TRHDE: variants seen among roughly 807,000 people sequenced by gnomAD.
TRHDE encodes thyrotropin releasing hormone degrading enzyme.
In TRHDE, 72 loss-of-function variants were observed where a neutral mutation model predicts 125.7. The observed-to-expected ratio is 0.57, with a 90% CI of 0.47 to 0.70. The LOEUF is 0.70. TRHDE is among the 30% of genes least tolerant of loss of function. TRHDE has a pLI of 0.00. For synonymous variants in TRHDE, 509 were observed against 509.1 expected (o/e 1.00, Z 0.00); for missense variants, 1,110 against 1,327.1 (o/e 0.84, Z 2.54).
chr12:72,510,350 G>A (rs2135947008), intron 6 of TRHDE, among the ~76,000 whole-genome samples: 2 of 152,252 alleles, frequency 1.3e-5, no homozygotes, highest in African/African-American at 4.8e-5. Context: ...TCTGTAAAAT[G>A]GTTGGACAAT....
At chr12:72,619,120 G>T in intron 13 of TRHDE, 82 bp downstream of exon 13, 1 of 1,083,198 alleles carries the variant, frequency 9.2e-7, no homozygotes, top group East Asian at 3.1e-5. Flanking sequence ...TGCAACTGAT[G>T]CCAAGTTATT....
intron 2 of TRHDE, among the ~76,000 whole-genome samples, chr12:72,145,236 T>C (rs1235003738): frequency 6.6e-6 from 1 of 152,238 alleles, no homozygotes; most frequent in Non-Finnish European, 1.5e-5. Flanking sequence ...CTTCGGACAA[T>C]TTCCAGAGAT....
intron 2 of TRHDE, among the ~76,000 whole-genome samples, chr12:72,220,799 T>C (rs1877984784): frequency 6.6e-6 from 1 of 152,174 alleles, no homozygotes. Context: ...TTTGTTGTTG[T>C]TGGCTGACTT....
intron 5 of TRHDE, among the ~76,000 whole-genome samples, chr12:72,482,390 G>T (rs1029902586): frequency 6.6e-6 from 1 of 151,834 alleles, no homozygotes; most frequent in Non-Finnish European, 1.5e-5. Flanking sequence ...ATAAAATTGG[G>T]CATGGTAAGT....
intron 2 of TRHDE, among the ~76,000 whole-genome samples, chr12:72,145,229 C>A (rs576080879): frequency 6.6e-6 from 1 of 152,126 alleles, no homozygotes; most frequent in Admixed American, 6.6e-5. Context: ...ATATGCCCTT[C>A]GGACAATTTC....
intron 2 of TRHDE, among the ~76,000 whole-genome samples, chr12:72,191,887 A>G (rs1317011274): frequency 6.6e-6 from 1 of 152,200 alleles, no homozygotes; most frequent in East Asian, 1.9e-4. Flanking sequence ...TTCCGAAAAC[A>G]GAATCCTCCC....
intron 3 of TRHDE, among the ~76,000 whole-genome samples, chr12:72,449,877 A>G (rs1408638526): frequency 1.3e-5 from 2 of 151,700 alleles, no homozygotes; most frequent in Non-Finnish European, 2.9e-5. Context: ...CTTTTTCTCC[A>G]CTTATTTTCC....
chr12:72,430,965 TTG>T (rs1874451227), intron 3 of TRHDE, among the ~76,000 whole-genome samples: 1 of 152,232 alleles, frequency 6.6e-6, no homozygotes, highest in South Asian at 2.1e-4. Flanking sequence ...TATACACATT[TTG>T]CATTTCTTTT....
intron 7 of TRHDE, among the ~76,000 whole-genome samples, chr12:72,553,071 T>C (rs914346555): frequency 6.6e-6 from 1 of 152,172 alleles, no homozygotes; most frequent in African/African-American, 2.4e-5. Context: ...AGAAGGTCAG[T>C]AGCTGAATGA....
At chr12:72,304,411 T>C (rs1370531857) in intron 2 of TRHDE, among the ~76,000 whole-genome samples, 1 of 152,178 alleles carries the variant, frequency 6.6e-6, no homozygotes, top group Non-Finnish European at 1.5e-5. Context: ...TTTGAGCTTA[T>C]AGTTCCCAAT....
intron 15 of TRHDE, among the ~76,000 whole-genome samples, chr12:72,644,395 C>T (rs1874193803): frequency 6.6e-6 from 1 of 152,166 alleles, no homozygotes; most frequent in African/African-American, 2.4e-5. Context: ...CTAGCACAAT[C>T]TAGCCGTGTG....
At chr12:72,160,406 C>T (rs143090036) in intron 2 of TRHDE, among the ~76,000 whole-genome samples, 9 of 152,266 alleles carry the variant, frequency 5.9e-5, no homozygotes, top group East Asian at 1.9e-4. Context: ...GACCTCCTCG[C>T]GGGCATGGTG....
At chr12:72,257,103 T>G (rs1878835952) in intron 2 of TRHDE, 1 of 152,200 alleles carries the variant, frequency 6.6e-6, no homozygotes, top group Admixed American at 6.5e-5. Context: ...GTCATCTTTA[T>G]GATTATCCTT....
At chr12:72,600,651 C>G (rs2136058612) in intron 12 of TRHDE, among the ~76,000 whole-genome samples, 1 of 152,074 alleles carries the variant, frequency 6.6e-6, no homozygotes, top group Middle Eastern at 3.4e-3. Flanking sequence ...TTGGCAGAGT[C>G]TTTAAGTTGA....
chr12:72,326,262 C>T (rs1043060636), intron 2 of TRHDE, among the ~76,000 whole-genome samples: 1 of 152,068 alleles, frequency 6.6e-6, no homozygotes, highest in Non-Finnish European at 1.5e-5. Context: ...TTTATCTTAT[C>T]AGGCTTCATC....
Position 72,495,572 on chromosome 12 carries a change from C to T in TRHDE, c.1585-3926C>T, listed in dbSNP as rs77138071. The stretch of plus-strand genomic sequence containing the variant: ...TTTCATCCTCTGTGTTTTATAGCAT[C>T]CATCATATTATATTACAGTTTGCTG... On this transcript the variant is annotated intron_variant, in intron 5 of 18. Coordinates refer to ENST00000261180, the MANE Select transcript of TRHDE (RefSeq NM_013381.3). Among the ~76,000 whole-genome samples, 734 of 152,130 alleles carry T rather than the reference C, an allele frequency of 4.8e-3. 7 individuals are homozygous for T. The highest frequency in any genetic ancestry group is 0.016 in the African/African-American group (667 of 41,522).
intron 5 of TRHDE, among the ~76,000 whole-genome samples, chr12:72,474,948 A>G (rs996023060): frequency 2.6e-5 from 4 of 152,172 alleles, no homozygotes; most frequent in Admixed American, 1.3e-4. Context: ...AATTTTACTG[A>G]TATTTTATGA....
chr12:72,653,062 G>A lies in TRHDE; in HGVS notation c.2890G>A (p.Ala964Thr). 1 of 1,607,438 alleles carries A rather than the reference G, an allele frequency of 6.2e-7. No individual in the cohort carries two copies. The change falls in exon 17 of 19, where the codon GCA becomes ACA. Residue 964 changes from alanine (A) to threonine (T), a missense_variant. Physicochemically the swap from Ala to Thr is moderately conservative, Grantham distance 58. Coordinates refer to ENST00000261180, the MANE Select transcript of TRHDE (RefSeq NM_013381.3). ...TTCTGAGGTGGTGCTGGATCAAGAT[G>A]CAATTGATGTCATAATCCATGTAGC... is the stretch of plus-strand genomic sequence containing the variant. ...LNSEVVLDQDAIDVIIHVARN... is the reference protein window; with the variant it reads ...LNSEVVLDQDTIDVIIHVARN...
intron 2 of TRHDE, among the ~76,000 whole-genome samples, chr12:72,208,579 A>G (rs1197610071): frequency 6.6e-6 from 1 of 152,216 alleles, no homozygotes; most frequent in Non-Finnish European, 1.5e-5. Context: ...TCTACTACTT[A>G]TATGATTTGG....
Sources: allele counts gnomAD v4.1 joint callset (sites outside exome capture counted in the v4.1 genomes callset), GRCh38; gene constraint gnomAD v4.1.1; transcripts MANE v1.5; gene names NCBI Gene and HGNC (gene_info 2026-07-23, HGNC 2026-07-21).